The following CTNNA3 variants were observed in gnomAD, a reference collection of about 807,000 sequenced individuals.
The protein encoded by CTNNA3 is catenin alpha 3.
Under a neutral mutation model 95.7 loss-of-function variants are expected in CTNNA3, and 76 were observed. That is an observed-to-expected ratio of 0.79 (90% CI 0.66 to 0.96). The LOEUF (loss-of-function observed/expected upper bound fraction) is 0.96, where lower values mean the gene tolerates loss of function less well. CTNNA3 is among the 40% of genes least tolerant of loss of function. CTNNA3 has a pLI of 0.00. For synonymous variants in CTNNA3, 431 were observed against 374.4 expected, an observed-to-expected ratio of 1.15 and a Z score of -1.74; for missense variants, 1,191 against 1,089.8, an observed-to-expected ratio of 1.09 and a Z score of -1.31.
intron 13 of CTNNA3, among the ~76,000 whole-genome samples, chr10:66,277,042 T>C (rs1163577712): frequency 1.3e-5 from 2 of 152,086 alleles, no homozygotes; most frequent in Non-Finnish European, 2.9e-5. Context: ...ATACTGCTTA[T>C]TCTCTGAGTG....
chr10:66,731,857 A>C (rs1848971262), intron 9 of CTNNA3, among the ~76,000 whole-genome samples: 1 of 152,170 alleles, frequency 6.6e-6, no homozygotes, highest in Non-Finnish European at 1.5e-5. Context: ...AAGAATACTA[A>C]TGAATAGCTC....
intron 4 of CTNNA3, among the ~76,000 whole-genome samples, chr10:67,526,471 G>A (rs1269352628): frequency 6.6e-6 from 1 of 151,912 alleles, no homozygotes; most frequent in Non-Finnish European, 1.5e-5. Context: ...TGGCCTTGAG[G>A]TCTGAGGTTC....
At chr10:67,684,708 G>A (rs1840696723) in intron 1 of CTNNA3, among the ~76,000 whole-genome samples, 1 of 152,196 alleles carries the variant, frequency 6.6e-6, no homozygotes, top group Middle Eastern at 3.2e-3. Flanking sequence ...TGTTAGTTGA[G>A]CTCATTTGGG....
At chr10:67,333,883 G>A (rs1841887775) in intron 5 of CTNNA3, among the ~76,000 whole-genome samples, 1 of 152,138 alleles carries the variant, frequency 6.6e-6, no homozygotes, top group Non-Finnish European at 1.5e-5. Context: ...ACTGTGTTAA[G>A]AAGGATTATG....
chr10:67,309,105 T>A (rs1225036951), intron 5 of CTNNA3, among the ~76,000 whole-genome samples: 1 of 152,190 alleles, frequency 6.6e-6, no homozygotes, highest in Non-Finnish European at 1.5e-5. Context: ...AAGTTTAACA[T>A]TTCAACCTTT....
intron 3 of CTNNA3, among the ~76,000 whole-genome samples, chr10:67,596,711 G>A (rs1283840654): frequency 2.0e-5 from 3 of 152,120 alleles, no homozygotes; most frequent in Admixed American, 6.6e-5. Flanking sequence ...CTATTTCTTT[G>A]GCATTTGCCT....
intron 9 of CTNNA3, among the ~76,000 whole-genome samples, chr10:66,684,031 A>G (rs2132509704): frequency 6.6e-6 from 1 of 152,322 alleles, no homozygotes; most frequent in East Asian, 1.9e-4. Flanking sequence ...GGTGTGAGAC[A>G]TGGCTCCTAA....
At chr10:66,631,162 A>C (rs1298227364) in intron 9 of CTNNA3, among the ~76,000 whole-genome samples, 1 of 152,126 alleles carries the variant, frequency 6.6e-6, no homozygotes, top group Non-Finnish European at 1.5e-5. Flanking sequence ...TCAATCACAC[A>C]ATCCGGTCTC....
chr10:66,214,595 T>G (rs1033809945), intron 13 of CTNNA3, among the ~76,000 whole-genome samples: 3 of 151,972 alleles, frequency 2.0e-5, no homozygotes, highest in African/African-American at 7.2e-5. Flanking sequence ...ATTTTCTACA[T>G]AAGGCTTATA....
chr10:67,704,875 T>A (rs1841068152), intron 1 of CTNNA3, among the ~76,000 whole-genome samples: 1 of 152,048 alleles, frequency 6.6e-6, no homozygotes, highest in East Asian at 1.9e-4. Flanking sequence ...CGCAACCTAC[T>A]CATCTGACAA....
At chr10:67,748,855 C>T (rs772951122) in intron 1 of CTNNA3, among the ~76,000 whole-genome samples, 2 of 152,044 alleles carry the variant, frequency 1.3e-5, no homozygotes, top group African/African-American at 4.8e-5. Context: ...TTCAAGAGAC[C>T]CATCTCATGT....
chr10:67,314,143 A>T (rs1270403356), intron 5 of CTNNA3, among the ~76,000 whole-genome samples: 1 of 152,244 alleles, frequency 6.6e-6, no homozygotes, highest in Non-Finnish European at 1.5e-5. Context: ...TAGTTCCTCC[A>T]AGTAGAGTTC....
intron 3 of CTNNA3, among the ~76,000 whole-genome samples, chr10:67,592,265 C>G (rs1408780844): frequency 6.6e-6 from 1 of 152,128 alleles, no homozygotes; most frequent in African/African-American, 2.4e-5. Context: ...TTGTCTTACT[C>G]AATCTCCAAT....
intron 12 of CTNNA3, among the ~76,000 whole-genome samples, chr10:66,282,956 C>A (rs2091520402): frequency 6.6e-6 from 1 of 151,762 alleles, no homozygotes; most frequent in African/African-American, 2.4e-5. Flanking sequence ...TACAATGAAA[C>A]ATGTCCAGCT....
At chr10:66,677,380 AT>A (rs1316961135) in intron 9 of CTNNA3, among the ~76,000 whole-genome samples, 62 of 143,546 alleles carry the variant, frequency 4.3e-4, no homozygotes, top group African/African-American at 1.6e-3. Flanking sequence ...ATAAAAAATA[AT>A]TTTATACAAA....
chr10:67,476,582 CT>C (rs1425293526), intron 5 of CTNNA3, among the ~76,000 whole-genome samples: 1 of 151,906 alleles, frequency 6.6e-6, no homozygotes, highest in Non-Finnish European at 1.5e-5. Flanking sequence ...ACTTGCTTGC[CT>C]GGAACAGCAG....
chr10:66,400,766 T>G (rs1266224751), intron 11 of CTNNA3, among the ~76,000 whole-genome samples: 5 of 152,158 alleles, frequency 3.3e-5, no homozygotes, highest in Admixed American at 3.3e-4. Context: ...AATTTTATTT[T>G]ATTGCTGATT....
At chr10:66,648,661 TA>T (rs1453428175) in intron 9 of CTNNA3, among the ~76,000 whole-genome samples, 4 of 142,008 alleles carry the variant, frequency 2.8e-5, no homozygotes, top group Admixed American at 7.1e-5. Context: ...AAAATGATTG[TA>T]AAAAAATCAA....
chr10:65,997,398 C>G (rs1419042022), intron 15 of CTNNA3, among the ~76,000 whole-genome samples: 6 of 152,168 alleles, frequency 3.9e-5, no homozygotes. Flanking sequence ...GCACACTGGT[C>G]AATCGGTATA....
Sources: allele counts gnomAD v4.1 joint callset (sites outside exome capture counted in the v4.1 genomes callset), GRCh38; gene constraint gnomAD v4.1.1; transcripts MANE v1.5; gene names NCBI Gene and HGNC (gene_info 2026-07-23, HGNC 2026-07-21).